Variants in LHFPL6 observed in about 807,000 individuals in gnomAD.
LHFPL6 encodes the protein LHFPL tetraspan subfamily member 6 protein.
LHFPL6 carries 9 observed loss-of-function variants against 20.6 expected under a neutral mutation model. That is an observed-to-expected ratio of 0.44 (90% confidence interval 0.26 to 0.76). The LOEUF is 0.76. Among genes scored for constraint, LHFPL6 ranks in the 30% least tolerant of loss-of-function variants. The probability of loss-of-function intolerance (pLI) is 0.20; values close to 1 mark genes in which losing one functional copy is unlikely to be tolerated. For missense variants in LHFPL6, 218 were observed against 253.5 expected (o/e 0.86, Z 0.95); for synonymous variants, 105 against 98.7 (o/e 1.06, Z -0.38).
intron 2 of LHFPL6, among the ~76,000 whole-genome samples, chr13:39,516,687 T>A (rs1026420803): frequency 6.6e-6 from 1 of 152,232 alleles, no homozygotes; most frequent in Non-Finnish European, 1.5e-5. Context: ...CTCGATAACC[T>A]TGGCCAAGGC....
At chr13:39,409,369 G>C (rs551304287) in intron 2 of LHFPL6, among the ~76,000 whole-genome samples, 1 of 152,128 alleles carries the variant, frequency 6.6e-6, no homozygotes, top group East Asian at 1.9e-4. Context: ...CAGGAGAATC[G>C]CTTGAACCTG....
intron 2 of LHFPL6, among the ~76,000 whole-genome samples, chr13:39,445,886 T>G (rs1257911884): frequency 6.6e-6 from 1 of 152,100 alleles, no homozygotes; most frequent in Non-Finnish European, 1.5e-5. Context: ...AATTTAGGCT[T>G]TTTTTCCTGT....
intron 2 of LHFPL6, among the ~76,000 whole-genome samples, chr13:39,439,440 T>G (rs1430772644): frequency 2.6e-5 from 4 of 152,138 alleles, no homozygotes; most frequent in Admixed American, 1.3e-4. Context: ...TAGATTGGAT[T>G]TTTGAGTTAA....
At chr13:39,509,119 T>C (rs901936908) in intron 2 of LHFPL6, among the ~76,000 whole-genome samples, 1 of 152,206 alleles carries the variant, frequency 6.6e-6, no homozygotes, top group Non-Finnish European at 1.5e-5. Flanking sequence ...TCTTTTTATG[T>C]GGTTATTTGC....
At position 39,351,116 on chromosome 13, in the gene LHFPL6, T is replaced by C. The variant is rs558749245; in HGVS notation, c.485-7062A>G. On this transcript the variant is annotated intron_variant, in intron 3 of 3. Transcript: ENST00000379589. ...TTCAATGTTCTATTCGGGCACTCAGTATGATGACCTGATCACAACAACCGA... is the reference window on the plus strand; with the variant it reads ...TTCAATGTTCTATTCGGGCACTCAGCATGATGACCTGATCACAACAACCGA... 3.3e-5 allele frequency among the ~76,000 whole-genome samples: 5 copies of C among 152,354 alleles called. No homozygotes were observed. In the South Asian group the frequency reaches 8.3e-4, roughly 25 times the overall value.
In LHFPL6 at chr13:39,343,056, CTCATATCTTCG is replaced by C. The variant is rs1161979989; in HGVS notation, c.*869_*879del. 5.0e-6 allele frequency: 1 copy of C among 198,836 alleles called. No homozygotes were observed. The highest frequency in any genetic ancestry group is 1.0e-5 in the Non-Finnish European group (1 of 95,848). The allele number at this position is 198,836 out of a possible 1,614,324, so 12.3% of individuals were successfully genotyped here. On this transcript the variant is annotated 3_prime_UTR_variant, in exon 4 of 4. Transcript: ENST00000379589. The stretch of plus-strand genomic sequence containing the variant: ...TGACTGGAAAATGTCTCTCATTACT[CTCATATCTTCG>C]GCTGAATTCTCTCCTATAGTGGACA...
At chr13:39,404,683 T>A (rs1401337506) in intron 2 of LHFPL6, among the ~76,000 whole-genome samples, 1 of 152,214 alleles carries the variant, frequency 6.6e-6, no homozygotes, top group Non-Finnish European at 1.5e-5. Flanking sequence ...TAATTTAGGT[T>A]TCTCTGCCAT....
chr13:39,549,815 T>TGC (rs1328058218), intron 2 of LHFPL6, among the ~76,000 whole-genome samples: 4 of 152,066 alleles, frequency 2.6e-5, no homozygotes, highest in African/African-American at 7.3e-5. Flanking sequence ...GATATAGCCA[T>TGC]GCAATGGTAT....
intron 3 of LHFPL6, among the ~76,000 whole-genome samples, chr13:39,350,499 C>G (rs1172587987): frequency 1.3e-5 from 2 of 152,100 alleles, no homozygotes; most frequent in African/African-American, 4.8e-5. Flanking sequence ...TAAATAAAAC[C>G]AGGAAATACA....
chr13:39,378,638 A>T, intron 2 of LHFPL6, 112 bp from the exon 3 acceptor site: 2 of 703,252 alleles, frequency 2.8e-6, no homozygotes, highest in Non-Finnish European at 2.4e-6. Context: ...TGCTTTTTAG[A>T]CAGCACCAGC....
chr13:39,400,509 C>T (rs1163992731), intron 2 of LHFPL6, among the ~76,000 whole-genome samples: 4 of 152,094 alleles, frequency 2.6e-5, no homozygotes, highest in Middle Eastern at 3.2e-3. Flanking sequence ...CAAGGCCGGG[C>T]GCGGTGGCTC....
intron 2 of LHFPL6, among the ~76,000 whole-genome samples, chr13:39,460,370 C>A (rs1214575084): frequency 6.6e-6 from 1 of 152,146 alleles, no homozygotes; most frequent in Non-Finnish European, 1.5e-5. Context: ...ACAACAAGAA[C>A]CATGGTGGAA....
rs11311637 is a variant in LHFPL6 at position 39,422,586 on chromosome 13, C to CAA, written c.386-44062_386-44061dup. Among the ~76,000 whole-genome samples, 130 of 118,786 alleles carry CAA rather than the reference C, an allele frequency of 1.1e-3. 1 individual carries two copies. The highest frequency in any genetic ancestry group is 4.5e-3 in the Middle Eastern group (1 of 220). The allele number at this position is 118,786 out of a possible 152,430, so 77.9% of individuals were successfully genotyped here. A position where few individuals can be genotyped will look rare whatever the true frequency, so the allele number is the denominator to read the frequency against. On this transcript the variant is annotated intron_variant, in intron 2 of 3. Transcript: ENST00000379589. The stretch of plus-strand genomic sequence containing the variant: ...GGGCAACAAGAGCGAAACTCCAACT[C>CAA]AAAAAAAAAAAAAAAAAAGAAGAAG...
chr13:39,351,881 TG>T (rs1485246303), intron 3 of LHFPL6, among the ~76,000 whole-genome samples: 1 of 152,232 alleles, frequency 6.6e-6, no homozygotes, highest in South Asian at 2.1e-4. Flanking sequence ...GTTCCTTTTT[TG>T]TCTATAAATT....
intron 2 of LHFPL6, among the ~76,000 whole-genome samples, chr13:39,462,422 G>T (rs1174309078): frequency 1.3e-5 from 2 of 152,152 alleles, no homozygotes; most frequent in East Asian, 3.9e-4. Context: ...ACACACCACA[G>T]CTTTAGGAAA....
At position 39,351,471 on chromosome 13, in the gene LHFPL6, A is replaced by T. The variant is rs1428239605; in HGVS notation, c.485-7417T>A. 1.6e-3 allele frequency among the ~76,000 whole-genome samples: 235 copies of T among 151,532 alleles called. 1 individual carries two copies. The highest frequency in any genetic ancestry group is 5.4e-3 in the African/African-American group (221 of 40,824). On this transcript the variant is annotated intron_variant, in intron 3 of 3. Transcript: ENST00000379589. ...AGATAATGTATAAAAAAAGATCTTA[A>T]TCAAATGCATTTTTCTCATTTGTTA...
At chr13:39,404,177 G>A (rs999070930) in intron 2 of LHFPL6, among the ~76,000 whole-genome samples, 2 of 152,134 alleles carry the variant, frequency 1.3e-5, no homozygotes, top group Non-Finnish European at 2.9e-5. Context: ...TTATAACCTA[G>A]TAGCCAGGTG....
At chr13:39,378,173 A>G (rs1870342617) in intron 3 of LHFPL6, among the ~76,000 whole-genome samples, 2 of 152,238 alleles carry the variant, frequency 1.3e-5, no homozygotes, top group Non-Finnish European at 2.9e-5. Context: ...GAAGTGATCA[A>G]TGAGTATAAA....
chr13:39,423,582 G>A (rs1566107991), intron 2 of LHFPL6, among the ~76,000 whole-genome samples: 1 of 151,930 alleles, frequency 6.6e-6, no homozygotes, highest in Non-Finnish European at 1.5e-5. Flanking sequence ...TACCACCATG[G>A]CTGGCTAATT....
Sources: allele counts gnomAD v4.1 joint callset (sites outside exome capture counted in the v4.1 genomes callset), GRCh38; gene constraint gnomAD v4.1.1; transcripts MANE v1.5; gene names NCBI Gene and HGNC (gene_info 2026-07-23, HGNC 2026-07-21).